TBC1D5: variants seen among roughly 807,000 people sequenced by gnomAD.
The protein encoded by TBC1D5 is TBC1 domain family, member 5.
A neutral mutation model predicts 100.3 loss-of-function variants in TBC1D5; 75 were observed. The observed-to-expected ratio is 0.75, with a 90% CI of 0.62 to 0.91. TBC1D5 has a LOEUF of 0.91. TBC1D5 is among the 40% of genes least tolerant of loss of function. The probability of loss-of-function intolerance (pLI) is 0.00; values close to 1 mark genes in which losing one functional copy is unlikely to be tolerated. For missense variants in TBC1D5, 910 were observed against 942.4 expected (o/e 0.97, Z 0.45); for synonymous variants, 323 against 325.6 (o/e 0.99, Z 0.09).
chr3:17,496,011 T>C (rs1277590007), intron 3 of TBC1D5, among the ~76,000 whole-genome samples: 2 of 152,186 alleles, frequency 1.3e-5, no homozygotes, highest in African/African-American at 2.4e-5. Context: ...ACCAAGAATG[T>C]TTTAGTTACA....
At chr3:17,684,370 A>C (rs2069949145) in intron 1 of TBC1D5, among the ~76,000 whole-genome samples, 2 of 152,120 alleles carry the variant, frequency 1.3e-5, no homozygotes, top group African/African-American at 4.8e-5. Context: ...TTTTATAGTG[A>C]AACCTGTCTA....
chr3:17,364,656 T>C lies in TBC1D5; in HGVS notation c.995+7419A>G, dbSNP rs540963619. Among the ~76,000 whole-genome samples, 9 of 152,326 alleles carry C rather than the reference T, an allele frequency of 5.9e-5. No individual in the cohort carries two copies. In the South Asian group the frequency reaches 1.9e-3, roughly 32 times the overall value. Reference sequence around the variant, plus strand: ...TGTCTATAAAGCCAGTCAATAATTTTTGCCTTTTACTAGGTAAGTTTAAAG... The same window carrying C: ...TGTCTATAAAGCCAGTCAATAATTTCTGCCTTTTACTAGGTAAGTTTAAAG... On this transcript the variant is annotated intron_variant, in intron 13 of 21. Transcript: ENST00000253692.
chr3:17,417,133 A>G (rs1226034141), intron 4 of TBC1D5, among the ~76,000 whole-genome samples: 6 of 152,114 alleles, frequency 3.9e-5, no homozygotes, highest in Non-Finnish European at 5.9e-5. Context: ...GATCTACGAA[A>G]GTTGAGCTAT....
rs10590475 is a variant in TBC1D5, at chr3:17,299,858, C to CAAA, written c.1139-7860_1139-7858dup. ...TGGACGACAGAGCGAGACTCCGTCTCAAAAAAAAAAAAAAAAAAAAAAAAA... is the reference window on the plus strand; with the variant it reads ...TGGACGACAGAGCGAGACTCCGTCTCAAAAAAAAAAAAAAAAAAAAAAAAAAAA... On this transcript the variant is annotated intron_variant, in intron 14 of 21. Transcript: ENST00000253692. Among the ~76,000 whole-genome samples the CAAA allele has an allele frequency of 2.5e-4, 12 of 48,614 alleles. 1 individual carries two copies. Among genetic ancestry groups the CAAA allele is most frequent in the Admixed American group, 1.0e-3 (3 of 2,926 alleles). The allele number at this position is 48,614 out of a possible 152,430, so 31.9% of individuals were successfully genotyped here.
At chr3:17,404,566 G>T in intron 7 of TBC1D5, 128 bp downstream of exon 7, 1 of 757,274 alleles carries the variant, frequency 1.3e-6, no homozygotes. Context: ...GTTTTAGGTG[G>T]TACTGTATGT....
chr3:17,322,733 T>TA (rs2085585551), intron 13 of TBC1D5, among the ~76,000 whole-genome samples: 1 of 152,184 alleles, frequency 6.6e-6, no homozygotes, highest in Non-Finnish European at 1.5e-5. Context: ...TGCTAAATAG[T>TA]AAGTTGTGCA....
chr3:17,472,434 A>AT (rs1268348425), intron 3 of TBC1D5, among the ~76,000 whole-genome samples: 1 of 151,902 alleles, frequency 6.6e-6, no homozygotes, highest in East Asian at 1.9e-4. Flanking sequence ...CCAAAGGGAG[A>AT]TTTTTTACTA....
chr3:17,646,348 T>A (rs2065012858), intron 1 of TBC1D5, among the ~76,000 whole-genome samples: 1 of 152,140 alleles, frequency 6.6e-6, no homozygotes, highest in Non-Finnish European at 1.5e-5. Context: ...TTCTTTTGTT[T>A]TTAGCCACTC....
At chr3:17,672,828 G>A (rs1190031993) in intron 1 of TBC1D5, among the ~76,000 whole-genome samples, 2 of 152,158 alleles carry the variant, frequency 1.3e-5, no homozygotes, top group Non-Finnish European at 2.9e-5. Context: ...ATTGATGGCA[G>A]CTTGTCCGTG....
chr3:17,291,282 CATT>C (rs2150144750), intron 15 of TBC1D5, among the ~76,000 whole-genome samples: 1 of 152,284 alleles, frequency 6.6e-6, no homozygotes, highest in African/African-American at 2.4e-5. Flanking sequence ...AGAAATATAA[CATT>C]AGTTGTAAAA....
intron 3 of TBC1D5, among the ~76,000 whole-genome samples, chr3:17,505,922 T>A (rs1374018650): frequency 6.6e-6 from 1 of 152,216 alleles, no homozygotes. Context: ...GTTAAAAGTT[T>A]AATTCACATG....
chr3:17,374,594 T>A, intron 11 of TBC1D5, 35 bp downstream of exon 11: 1 of 1,609,532 alleles, frequency 6.2e-7, no homozygotes, highest in Non-Finnish European at 8.5e-7. Flanking sequence ...AATGATGGTA[T>A]AAAAAAATAA....
At chr3:17,160,701 C>G (rs1298252663) in exon 22 of TBC1D5, 2 of 456,500 alleles carry the variant, frequency 4.4e-6, no homozygotes, top group East Asian at 6.6e-5. Context: ...GTACGTAACT[C>G]AGCTCTAACT....
At chr3:17,288,967 G>C (rs1006375387) in intron 15 of TBC1D5, among the ~76,000 whole-genome samples, 1 of 152,212 alleles carries the variant, frequency 6.6e-6, no homozygotes, top group Non-Finnish European at 1.5e-5. Context: ...CTGTTAACAC[G>C]CTGCAGTCCA....
intron 17 of TBC1D5, among the ~76,000 whole-genome samples, chr3:17,228,102 T>A (rs985681211): frequency 1.6e-4 from 25 of 152,184 alleles, no homozygotes; most frequent in African/African-American, 6.0e-4. Context: ...AAGGGCTTGG[T>A]TGAGTGGACC....
In TBC1D5 at chr3:17,167,785, TTC is replaced by T; in HGVS notation, c.1894_1895del (p.Glu632ArgfsTer24). On this transcript the variant is annotated frameshift_variant, in exon 20 of 22. Coordinates refer to ENST00000253692, the Ensembl canonical transcript of TBC1D5. LOFTEE classifies it high-confidence loss of function. ...CTGCCAGGGAAACCAGAATTTGATCTTCTTTTTCCAAATTTTCTTGTAATATC... is the reference window on the plus strand; with the variant it reads ...CTGCCAGGGAAACCAGAATTTGATCTTTTTTCCAAATTTTCTTGTAATATC... 1 of 1,612,432 alleles carries T rather than the reference TTC, an allele frequency of 6.2e-7. No homozygotes were observed. Among genetic ancestry groups the T allele is most frequent in the Non-Finnish European group, 8.5e-7 (1 of 1,179,368 alleles).
intron 15 of TBC1D5, among the ~76,000 whole-genome samples, chr3:17,259,258 G>C (rs181555823): frequency 1.1e-3 from 169 of 152,264 alleles, no homozygotes; most frequent in African/African-American, 3.7e-3. Context: ...TTTCTAGAAT[G>C]CAACATTATT....
At chr3:17,166,810 CGGCCCT>C in exon 21 of TBC1D5, 1 of 1,613,990 alleles carries the variant, frequency 6.2e-7, no homozygotes, top group Non-Finnish European at 8.5e-7. Flanking sequence ...GCCTTGGCCT[CGGCCCT>C]GGCCCTGGCC....
Position 17,648,713 on chromosome 3 carries a change from C to G in TBC1D5, c.-100-24800G>C, listed in dbSNP as rs531445994. Among the ~76,000 whole-genome samples, 9 of 152,206 alleles carry G rather than the reference C, an allele frequency of 5.9e-5. No individual in the cohort carries two copies. In the South Asian group the frequency reaches 1.7e-3, roughly 28 times the overall value. ...CAAAAGAAGACATACATGCGGCCAA[C>G]AAGCGTATGAAAAAAGCTCAGTATC... On this transcript the variant is annotated intron_variant, in intron 1 of 21. Transcript: ENST00000253692.
Sources: gnomAD v4.1 joint callset for allele counts (sites outside exome capture counted in the v4.1 genomes callset) on GRCh38, gnomAD v4.1.1 for gene constraint, MANE v1.5 for transcripts, NCBI Gene and HGNC (gene_info 2026-07-23, HGNC 2026-07-21) for gene names.